Variants in SENP7 observed in about 807,000 individuals in gnomAD.
The protein encoded by SENP7 is sentrin-specific protease 7.
Under a neutral mutation model 141.2 loss-of-function variants are expected in SENP7, and 64 were observed. That is an observed-to-expected ratio of 0.45 (90% confidence interval 0.37 to 0.56). The LOEUF (loss-of-function observed/expected upper bound fraction) is 0.56. Among genes scored for constraint, SENP7 ranks in the 20% least tolerant of loss-of-function variants. The pLI is 0.00. For missense variants in SENP7, 1,025 were observed against 1,212.2 expected (o/e 0.85, Z 2.29); for synonymous variants, 382 against 426.4 (o/e 0.90, Z 1.28).
chr3:101,487,357 G>A (rs2064773625), intron 3 of SENP7, among the ~76,000 whole-genome samples: 2 of 152,100 alleles, frequency 1.3e-5, no homozygotes, highest in South Asian at 4.1e-4. Context: ...GTTCCTTACA[G>A]AATCTGGATA....
chr3:101,426,854 T>A (rs1382619112), intron 4 of SENP7, among the ~76,000 whole-genome samples: 1 of 152,082 alleles, frequency 6.6e-6, no homozygotes, highest in Non-Finnish European at 1.5e-5. Flanking sequence ...GAAGAGCTCC[T>A]GAAAGAAGCA....
chr3:101,332,904 C>A, intron 17 of SENP7, 42 bp from the exon 18 acceptor site: 2 of 1,539,302 alleles, frequency 1.3e-6, no homozygotes, highest in Admixed American at 2.3e-5. Flanking sequence ...AAAATTTTTT[C>A]ATTTAAGATA....
chr3:101,490,212 A>C (rs542258022), intron 3 of SENP7, among the ~76,000 whole-genome samples: 210 of 152,186 alleles, frequency 1.4e-3, no homozygotes, highest in African/African-American at 1.6e-3. Flanking sequence ...AACAAACAAA[A>C]AAAAAAAGAG....
At chr3:101,465,958 G>A (rs757159248) in intron 3 of SENP7, among the ~76,000 whole-genome samples, 12 of 151,970 alleles carry the variant, frequency 7.9e-5, no homozygotes, top group African/African-American at 1.2e-4. Flanking sequence ...CATTTAAAAC[G>A]TCCTACAACT....
chr3:101,463,402 T>TACACAC (rs1553744835), intron 3 of SENP7, among the ~76,000 whole-genome samples: 1 of 101,248 alleles, frequency 9.9e-6, no homozygotes, highest in Non-Finnish European at 2.0e-5. Flanking sequence ...TATATACATA[T>TACACAC]ATATATATAT....
chr3:101,415,753 G>T (rs913547980), intron 5 of SENP7, among the ~76,000 whole-genome samples: 3 of 151,172 alleles, frequency 2.0e-5, no homozygotes, highest in African/African-American at 7.3e-5. Context: ...TTTTGCCTGG[G>T]GCTTTTGCAA....
intron 10 of SENP7, chr3:101,363,057 C>T (rs758288976): frequency 4.6e-6 from 2 of 433,544 alleles, no homozygotes; most frequent in Non-Finnish European, 6.1e-6. Context: ...TTACCTCTCG[C>T]AAATGTGACT....
intron 5 of SENP7, among the ~76,000 whole-genome samples, chr3:101,414,828 G>A (rs987581855): frequency 6.6e-6 from 1 of 152,068 alleles, no homozygotes; most frequent in African/African-American, 2.4e-5. Flanking sequence ...GAAAAAAGTG[G>A]TGTTAAATTG....
At chr3:101,509,321 T>C (rs2065755153) in intron 1 of SENP7, among the ~76,000 whole-genome samples, 1 of 152,206 alleles carries the variant, frequency 6.6e-6, no homozygotes, top group African/African-American at 2.4e-5. Context: ...CTCTAGCCTG[T>C]TGAAATCTGG....
At chr3:101,498,703 T>G (rs1427065474) in intron 2 of SENP7, among the ~76,000 whole-genome samples, 1 of 152,128 alleles carries the variant, frequency 6.6e-6, no homozygotes, top group East Asian at 1.9e-4. Flanking sequence ...TTAAAGCAGG[T>G]GTGCCCAACC....
intron 4 of SENP7, among the ~76,000 whole-genome samples, chr3:101,423,114 A>G (rs766610716): frequency 7.9e-5 from 12 of 152,234 alleles, no homozygotes; most frequent in Non-Finnish European, 1.3e-4. Flanking sequence ...AAAAAAATGG[A>G]CAAAACATTT....
intron 4 of SENP7, among the ~76,000 whole-genome samples, chr3:101,452,708 A>G (rs937555145): frequency 2.5e-4 from 38 of 152,356 alleles, no homozygotes; most frequent in African/African-American, 8.9e-4. Context: ...TTACACAAAA[A>G]TTAATTCAAG....
At chr3:101,478,974 C>T (rs544301647) in intron 3 of SENP7, among the ~76,000 whole-genome samples, 3 of 150,648 alleles carry the variant, frequency 2.0e-5, no homozygotes, top group South Asian at 2.1e-4. Context: ...TCAACAGATG[C>T]AAAAAAAAAT....
rs183847713 is a variant in SENP7 at position 101,450,262 on chromosome 3, T to C, written c.284+8693A>G. ...AGTTAAGACTCCCACACAATAATAA[T>C]GGGAGACTTTAACACCCCACTGTCA... On this transcript the variant is annotated intron_variant, in intron 4 of 23. Transcript: ENST00000394095. Among the ~76,000 whole-genome samples, 310 of 152,240 alleles carry C rather than the reference T, an allele frequency of 2.0e-3. 2 individuals are homozygous for C. The highest frequency in any genetic ancestry group is 7.0e-3 in the African/African-American group (291 of 41,528).
intron 3 of SENP7, among the ~76,000 whole-genome samples, chr3:101,481,735 T>C (rs1372019449): frequency 6.6e-6 from 1 of 152,228 alleles, no homozygotes; most frequent in Non-Finnish European, 1.5e-5. Context: ...TCTTCACATG[T>C]AACAAAATAT....
At chr3:101,424,608 G>A (rs573383154) in intron 4 of SENP7, among the ~76,000 whole-genome samples, 67 of 151,902 alleles carry the variant, frequency 4.4e-4, no homozygotes, top group African/African-American at 1.3e-3. Flanking sequence ...TGCCTACAGC[G>A]CACAGAGAAA....
At chr3:101,353,910 T>C (rs781717587) in intron 11 of SENP7, among the ~76,000 whole-genome samples, 2 of 151,970 alleles carry the variant, frequency 1.3e-5, no homozygotes, top group Non-Finnish European at 2.9e-5. Flanking sequence ...ACTGAATATA[T>C]GGAGAATAAA....
intron 23 of SENP7, 146 bp from the exon 24 acceptor site, chr3:101,326,226 A>T (rs1015687774): frequency 1.8e-4 from 113 of 631,194 alleles, no homozygotes; most frequent in Admixed American, 8.3e-4. Context: ...ACAATTCACC[A>T]ATAGCATACA....
rs1006878746 is a variant in SENP7 at position 101,420,354 on chromosome 3, C to T, written c.285-2564G>A. 4.7e-4 allele frequency among the ~76,000 whole-genome samples: 68 copies of T among 145,078 alleles called. 1 individual carries two copies. Among genetic ancestry groups the T allele is most frequent in the Admixed American group, 1.4e-4 (2 of 13,824 alleles). On this transcript the variant is annotated intron_variant, in intron 4 of 23. Transcript: ENST00000394095. ...CTGCACTCCAGCCTGGGCGACAGAGCGAGACTCCGTCTCAAAAAAAAAAAG... is the reference window on the plus strand; with the variant it reads ...CTGCACTCCAGCCTGGGCGACAGAGTGAGACTCCGTCTCAAAAAAAAAAAG...
Sources: gnomAD v4.1 joint callset for allele counts (sites outside exome capture counted in the v4.1 genomes callset) on GRCh38, gnomAD v4.1.1 for gene constraint, MANE v1.5 for transcripts, NCBI Gene and HGNC (gene_info 2026-07-23, HGNC 2026-07-21) for gene names.